The following DHX57 variants were observed in gnomAD, a reference collection of about 807,000 sequenced individuals.
DHX57 encodes putative ATP-dependent RNA helicase DHX57.
Under a neutral mutation model 156.2 loss-of-function variants are expected in DHX57, and 105 were observed. That is an observed-to-expected ratio of 0.67 (90% CI 0.57 to 0.79). DHX57 has a LOEUF of 0.79. DHX57 is among the 30% of genes least tolerant of loss of function. The pLI is 0.00. For synonymous variants in DHX57, 704 were observed against 595.6 expected (o/e 1.18, Z -2.65); for missense variants, 1,847 against 1,661.9 (o/e 1.11, Z -1.94).
chr2:38,841,314 A>C (rs1671981550), intron 12 of DHX57, among the ~76,000 whole-genome samples: 2 of 152,226 alleles, frequency 1.3e-5, no homozygotes, highest in African/African-American at 4.8e-5. Flanking sequence ...CACTTTATAG[A>C]TAAGGAAACT....
Position 38,866,794 on chromosome 2 carries a change from C to T in DHX57, c.224+1388G>A, listed in dbSNP as rs559076918. 1.8e-4 allele frequency among the ~76,000 whole-genome samples: 27 copies of T among 152,336 alleles called. No homozygotes were observed. The South Asian group carries it at 4.3e-3, about 25-fold the overall frequency. The stretch of plus-strand genomic sequence containing the variant: ...TTAGGTTCTTGGCTAGGCACAGTGG[C>T]TCACGCCTGTAATTCCAACACTATG... On this transcript the variant is annotated intron_variant, in intron 2 of 23. Transcript: ENST00000457308.
chr2:38,837,720 T>C (rs1275933654), intron 13 of DHX57, 111 bp downstream of exon 13: 14 of 696,204 alleles, frequency 2.0e-5, no homozygotes, highest in African/African-American at 3.6e-5. Flanking sequence ...CACTGCCTTG[T>C]AGCCTGTGTG....
chr2:38,843,252 G>A (rs375562747), intron 11 of DHX57, 42 bp from the exon 12 acceptor site: 2 of 1,599,968 alleles, frequency 1.3e-6, no homozygotes, highest in South Asian at 1.1e-5. Context: ...ATGTGGTCCT[G>A]TTGGTGAGGA....
chr2:38,800,331 G>T (rs887267819), intron 23 of DHX57, among the ~76,000 whole-genome samples: 9 of 151,932 alleles, frequency 5.9e-5, no homozygotes, highest in Admixed American at 4.6e-4. Context: ...TCCAGCCTGG[G>T]TGACAGAGCA....
At chr2:38,831,058 A>C (rs530799646) in intron 13 of DHX57, among the ~76,000 whole-genome samples, 1 of 152,146 alleles carries the variant, frequency 6.6e-6, no homozygotes, top group East Asian at 1.9e-4. Context: ...ACAAAGTGAA[A>C]CTCTGTCTCA....
At chr2:38,832,316 T>G (rs956373205) in intron 13 of DHX57, among the ~76,000 whole-genome samples, 2 of 151,888 alleles carry the variant, frequency 1.3e-5, no homozygotes, top group African/African-American at 2.4e-5. Context: ...GGCACATGCC[T>G]GTAGTCCCAG....
chr2:38,814,440 C>T (rs528341523), intron 20 of DHX57, among the ~76,000 whole-genome samples: 25 of 152,214 alleles, frequency 1.6e-4, no homozygotes, highest in African/African-American at 4.8e-4. Context: ...CTTTGCAAAG[C>T]GTTACAAAGC....
At chr2:38,874,007 G>T (rs3112171) in intron 1 of DHX57, among the ~76,000 whole-genome samples, 34,299 of 152,128 alleles carry the variant, frequency 0.23, 4,848 homozygotes, top group Non-Finnish European at 0.31. Context: ...AAGTTCTCCA[G>T]TCAGCCCTGT....
chr2:38,863,511 T>C lies in DHX57; in HGVS notation c.233A>G (p.Asn78Ser). 1 of 1,613,246 alleles carries C rather than the reference T, an allele frequency of 6.2e-7. No homozygotes were observed. The highest frequency in any genetic ancestry group is 8.5e-7 in the Non-Finnish European group (1 of 1,179,806). The change falls in exon 3 of 24, where the codon AAC becomes AGC. Residue 78 changes from asparagine (N) to serine (S), a missense_variant. By Grantham distance (46) the Asn-to-Ser change is conservative. Coordinates refer to ENST00000457308, the MANE Select transcript of DHX57 (RefSeq NM_198963.3). ...TGACTCTCCTTTGCTTATGTTACTG[T>C]TGCTAGGTCTATAGAGAACAAAAGA... The part of the protein sequence containing the change: ...SESRRPSRPS[N>S]SNISKGESRP...
Position 38,856,363 on chromosome 2 carries a change from C to G in DHX57, c.1686G>C (p.Val562=), listed in dbSNP as rs780099427. 6.2e-7 allele frequency: 1 copy of G among 1,612,202 alleles called. No individual in the cohort carries two copies. Among genetic ancestry groups the G allele is most frequent in the Non-Finnish European group, 8.5e-7 (1 of 1,179,662 alleles). The change falls in exon 7 of 24, where the codon GTG becomes GTC. Residue 562 remains valine (V), a synonymous_variant. Coordinates refer to ENST00000457308, the MANE Select transcript of DHX57 (RefSeq NM_198963.3). The stretch of plus-strand genomic sequence containing the variant: ...ACCCAGTCATACCACTTATGACAAC[C>G]ACCTGGTGCTTACGCAATAAGTTAA... ...TILNLLRKHQ[V]VVISGMTGCG...
At chr2:38,821,624 C>T (rs566353924) in intron 17 of DHX57, among the ~76,000 whole-genome samples, 2 of 152,204 alleles carry the variant, frequency 1.3e-5, no homozygotes, top group South Asian at 4.2e-4. Flanking sequence ...ACCTGGAAGT[C>T]GGAGGTTGCA....
intron 1 of DHX57, among the ~76,000 whole-genome samples, chr2:38,872,992 A>T (rs542521103): frequency 1.4e-5 from 2 of 146,022 alleles, no homozygotes; most frequent in East Asian, 2.0e-4. Context: ...ACCTCAATAC[A>T]TTTTTTTTTT....
intron 21 of DHX57, among the ~76,000 whole-genome samples, chr2:38,810,057 C>A (rs1572623884): frequency 6.6e-6 from 1 of 151,906 alleles, no homozygotes; most frequent in African/African-American, 2.4e-5. Context: ...CCACGCCCAG[C>A]TAATTTTTGT....
chr2:38,810,942 C>G (rs1670212188), intron 21 of DHX57: 5 of 841,916 alleles, frequency 5.9e-6, no homozygotes, highest in South Asian at 3.9e-5. Flanking sequence ...CCAAGGAGGT[C>G]TGGTGGGTGG....
intron 2 of DHX57, among the ~76,000 whole-genome samples, chr2:38,864,848 A>G (rs1014463413): frequency 2.6e-5 from 4 of 152,188 alleles, no homozygotes; most frequent in Non-Finnish European, 2.9e-5. Context: ...CAACCCAATC[A>G]GTATTTCCTA....
At chr2:38,859,917 TC>T (rs1200557156) in intron 5 of DHX57, among the ~76,000 whole-genome samples, 2 of 151,514 alleles carry the variant, frequency 1.3e-5, no homozygotes, top group Non-Finnish European at 2.9e-5. Flanking sequence ...CTGAAGTGAT[TC>T]CCCCACATCA....
Position 38,854,192 on chromosome 2 carries a change from G to C in DHX57, c.1906-14C>G. 1.2e-6 allele frequency: 2 copies of C among 1,609,874 alleles called. No homozygotes were observed. The highest frequency in any genetic ancestry group is 1.7e-6 in the Non-Finnish European group (2 of 1,178,452). On this transcript the variant is annotated splice_polypyrimidine_tract_variant and intron_variant, in intron 8 of 23. Coordinates refer to ENST00000457308, the MANE Select transcript of DHX57 (RefSeq NM_198963.3). ...GGTGGCTGAGGACTTACACATGAAA[G>C]GGCAATATAAATCATTAATAAAATT...
intron 23 of DHX57, among the ~76,000 whole-genome samples, chr2:38,798,813 A>G (rs575368234): frequency 2.0e-5 from 3 of 152,194 alleles, no homozygotes; most frequent in East Asian, 3.9e-4. Context: ...TTGTGGTGGC[A>G]TGCGCCTGTA....
chr2:38,857,825 T>C (rs1313328868), intron 6 of DHX57, among the ~76,000 whole-genome samples: 1 of 152,220 alleles, frequency 6.6e-6, no homozygotes, highest in East Asian at 1.9e-4. Flanking sequence ...TATTTATCCT[T>C]TGAGTCTTTG....
Sources: gnomAD v4.1 joint callset for allele counts (sites outside exome capture counted in the v4.1 genomes callset) on GRCh38, gnomAD v4.1.1 for gene constraint, MANE v1.5 for transcripts, NCBI Gene and HGNC (gene_info 2026-07-23, HGNC 2026-07-21) for gene names.